MUCL1: variants seen among roughly 807,000 people sequenced by gnomAD.
MUCL1 encodes mucin-like protein 1.
MUCL1 carries 11 observed loss-of-function variants against 9.2 expected under a neutral mutation model. The ratio of observed to expected loss-of-function variants is 1.19; its 90% CI spans 0.75 to 1.97. The LOEUF is 1.97. Among genes scored for constraint, MUCL1 ranks in the 30% most tolerant of loss-of-function variants. The pLI, the probability that MUCL1 is intolerant of heterozygous loss-of-function variation, is 0.00. For synonymous variants in MUCL1, 48 were observed against 40.5 expected (o/e 1.19, Z -0.71); for missense variants, 144 against 110.9 (o/e 1.30, Z -1.34).
At chr12:54,839,243 T>A, upstream of MUCL1, 1 of 627,310 alleles carries the variant, frequency 1.6e-6, no homozygotes, top group Non-Finnish European at 2.9e-6. Flanking sequence ...ACTCAGCTAC[T>A]GGTTGTAGTA....
chr12:54,844,051 GGTAATGAAT>G (rs1260220754), intron 1 of MUCL1, among the ~76,000 whole-genome samples: 1 of 152,080 alleles, frequency 6.6e-6, no homozygotes, highest in African/African-American at 2.4e-5. Flanking sequence ...TTATGGTCAT[GGTAATGAAT>G]GTTTTGTAAA....
intron 1 of MUCL1, among the ~76,000 whole-genome samples, chr12:54,832,970 A>C (rs1479575750): frequency 6.6e-6 from 1 of 152,150 alleles, no homozygotes; most frequent in African/African-American, 2.4e-5. Flanking sequence ...TTCCTTATTA[A>C]ATGAATTATC....
intron 1 of MUCL1, among the ~76,000 whole-genome samples, chr12:54,843,637 T>C (rs1331386957): frequency 6.6e-6 from 1 of 152,182 alleles, no homozygotes; most frequent in Non-Finnish European, 1.5e-5. Flanking sequence ...TCAGGGTCAG[T>C]GTCATACAGA....
intron 1 of MUCL1, among the ~76,000 whole-genome samples, chr12:54,841,948 T>C (rs1959214374): frequency 6.6e-6 from 1 of 152,178 alleles, no homozygotes; most frequent in South Asian, 2.1e-4. Context: ...CAGGCCTTAA[T>C]AATTCTATAC....
intron 1 of MUCL1, among the ~76,000 whole-genome samples, chr12:54,833,262 T>C (rs1368957636): frequency 1.3e-5 from 2 of 152,142 alleles, no homozygotes; most frequent in African/African-American, 4.8e-5. Flanking sequence ...ATCGAATATA[T>C]AGAATTATAT....
intron 2 of MUCL1, 197 bp downstream of exon 2, chr12:54,855,354 A>C (rs990826803): frequency 5.2e-6 from 3 of 581,840 alleles, no homozygotes; most frequent in Non-Finnish European, 9.3e-6. Context: ...CATTCTTAGA[A>C]TATATGAAAT....
chr12:54,857,424 T>C (rs1381161387), intron 3 of MUCL1, among the ~76,000 whole-genome samples: 1 of 152,166 alleles, frequency 6.6e-6, no homozygotes, highest in Non-Finnish European at 1.5e-5. Context: ...TTCTGGGGTT[T>C]TGGACATTCA....
upstream of MUCL1, among the ~76,000 whole-genome samples, chr12:54,851,877 G>A (rs1448763345): frequency 6.6e-6 from 1 of 152,192 alleles, no homozygotes; most frequent in East Asian, 1.9e-4. Context: ...CAGACAGAGA[G>A]CCAAATCATG....
intron 1 of MUCL1, among the ~76,000 whole-genome samples, chr12:54,842,638 C>T (rs1361712296): frequency 1.3e-5 from 2 of 152,144 alleles, no homozygotes; most frequent in African/African-American, 2.4e-5. Context: ...TCCTGTCTAA[C>T]TGAAACTTTG....
chr12:54,838,503 A>G (rs537534982), upstream of MUCL1, among the ~76,000 whole-genome samples: 8 of 152,274 alleles, frequency 5.3e-5, no homozygotes, highest in African/African-American at 1.9e-4. Context: ...GCTTTCCTCA[A>G]TTATTCTCTC....
upstream of MUCL1, among the ~76,000 whole-genome samples, chr12:54,852,119 C>A (rs11171130): frequency 6.6e-6 from 1 of 152,120 alleles, no homozygotes; most frequent in Admixed American, 6.6e-5. Flanking sequence ...CCCCATCAAG[C>A]TACCAATGAC....
chr12:54,850,027 C>T (rs992885390), upstream of MUCL1, among the ~76,000 whole-genome samples: 18 of 152,182 alleles, frequency 1.2e-4, no homozygotes, highest in Non-Finnish European at 2.2e-4. Flanking sequence ...CAGCACTGTT[C>T]TCTGCCACCC....
intron 1 of MUCL1, among the ~76,000 whole-genome samples, chr12:54,847,550 G>A (rs915825385): frequency 1.3e-5 from 2 of 152,196 alleles, no homozygotes; most frequent in African/African-American, 2.4e-5. Context: ...AGGAGGCAGA[G>A]GTTGAAGTGA....
upstream of MUCL1, among the ~76,000 whole-genome samples, chr12:54,852,265 G>A (rs955326037): frequency 7.0e-4 from 107 of 152,114 alleles, no homozygotes; most frequent in Non-Finnish European, 1.3e-3. Context: ...TATACTACAA[G>A]GCTACAATAA....
intron 1 of MUCL1, among the ~76,000 whole-genome samples, chr12:54,847,444 C>T (rs1360102655): frequency 2.0e-5 from 3 of 152,040 alleles, no homozygotes; most frequent in Non-Finnish European, 2.9e-5. Context: ...GGTGAAACTC[C>T]GTCTCTACTA....
chr12:54,841,991 A>C (rs1388013643), intron 1 of MUCL1, among the ~76,000 whole-genome samples: 9 of 152,138 alleles, frequency 5.9e-5, no homozygotes, highest in South Asian at 2.1e-4. Context: ...ATTTTTCTTC[A>C]AGATTATCTT....
upstream of MUCL1, among the ~76,000 whole-genome samples, chr12:54,838,725 T>C (rs186181257): frequency 7.3e-4 from 111 of 152,292 alleles, no homozygotes; most frequent in African/African-American, 2.5e-3. Context: ...AAACTTTCCA[T>C]TGCACTTTGT....
chr12:54,856,186 A>G (rs1261533766), intron 2 of MUCL1, among the ~76,000 whole-genome samples: 1 of 152,190 alleles, frequency 6.6e-6, no homozygotes, highest in Non-Finnish European at 1.5e-5. Context: ...TACCTCTCTA[A>G]TAAACAGAGT....
chr12:54,854,104 C>T (rs1239028423), upstream of MUCL1, among the ~76,000 whole-genome samples: 1 of 152,166 alleles, frequency 6.6e-6, no homozygotes, highest in African/African-American at 2.4e-5. Flanking sequence ...TCAGGCTGCT[C>T]TACCCTGATT....
Sources: allele counts gnomAD v4.1 joint callset (sites outside exome capture counted in the v4.1 genomes callset), GRCh38; gene constraint gnomAD v4.1.1; transcripts MANE v1.5; gene names NCBI Gene and HGNC (gene_info 2026-07-23, HGNC 2026-07-21).